NCAPG2: variants seen among roughly 807,000 people sequenced by gnomAD.
NCAPG2 encodes the protein condensin-2 complex subunit G2.
In NCAPG2, 53 loss-of-function variants were observed where a neutral mutation model predicts 141.1. The observed-to-expected ratio is 0.38, with a 90% CI of 0.30 to 0.47. The LOEUF (loss-of-function observed/expected upper bound fraction) is 0.47, where lower values mean the gene tolerates loss of function less well. NCAPG2 is among the 20% of genes least tolerant of loss of function. NCAPG2 has a pLI of 0.99. For synonymous variants in NCAPG2, 499 were observed against 490.7 expected, an observed-to-expected ratio of 1.02 and a Z score of -0.22; for missense variants, 1,087 against 1,389.0, an observed-to-expected ratio of 0.78 and a Z score of 3.46.
At chr7:158,667,185 G>C in intron 13 of NCAPG2, 1 of 985,444 alleles carries the variant, frequency 1.0e-6, no homozygotes, top group South Asian at 4.7e-5. Context: ...CACTTGCAAA[G>C]ATAAGGACTG....
At chr7:158,674,734 GTCACC>G (rs1210051347) in intron 12 of NCAPG2, among the ~76,000 whole-genome samples, 1 of 152,268 alleles carries the variant, frequency 6.6e-6, no homozygotes, top group African/African-American at 2.4e-5. Flanking sequence ...AGAAGAGGAA[GTCACC>G]TGCTTTGTGC....
At chr7:158,670,643 A>G (rs1056367387) in intron 13 of NCAPG2, among the ~76,000 whole-genome samples, 3 of 152,150 alleles carry the variant, frequency 2.0e-5, no homozygotes, top group South Asian at 2.1e-4. Context: ...TTACTTATAT[A>G]TATGTCTCCA....
intron 13 of NCAPG2, among the ~76,000 whole-genome samples, chr7:158,669,765 T>G (rs1833551926): frequency 5.0e-5 from 2 of 40,128 alleles, no homozygotes; most frequent in African/African-American, 1.3e-4. Flanking sequence ...CGAGACTCTG[T>G]CTCAAAAAAA....
intron 8 of NCAPG2, among the ~76,000 whole-genome samples, chr7:158,684,379 C>T (rs779470677): frequency 3.3e-5 from 5 of 152,258 alleles, no homozygotes; most frequent in East Asian, 1.9e-4. Context: ...CTAGAATAAG[C>T]GATTTTAATG....
chr7:158,650,610 G>C (rs539439308), intron 24 of NCAPG2, among the ~76,000 whole-genome samples: 1 of 152,278 alleles, frequency 6.6e-6, no homozygotes, highest in East Asian at 1.9e-4. Flanking sequence ...TTTTAATCAA[G>C]AGTGATAATA....
Position 158,704,030 on chromosome 7 carries a change from G to A in NCAPG2, c.-40+694C>T, listed in dbSNP as rs571209969. 3.6e-4 allele frequency among the ~76,000 whole-genome samples: 54 copies of A among 151,648 alleles called. 1 individual carries two copies. The East Asian group carries it at 7.8e-3, about 22-fold the overall frequency. On this transcript the variant is annotated intron_variant, in intron 1 of 27. Coordinates refer to ENST00000356309, the MANE Select transcript of NCAPG2 (RefSeq NM_017760.7). ...TCTCTGAGGGCAGTGCCCATGCCCAGGACTGAGGGGACGCTCTCTGAGGGC... is the reference window on the plus strand; with the variant it reads ...TCTCTGAGGGCAGTGCCCATGCCCAAGACTGAGGGGACGCTCTCTGAGGGC...
chr7:158,656,347 C>A lies in NCAPG2; in HGVS notation c.2301G>T (p.Leu767=). The A allele has an allele frequency of 6.2e-7, 1 of 1,614,166 alleles. No individual in the cohort carries two copies. The highest frequency in any genetic ancestry group is 1.1e-5 in the South Asian group (1 of 91,078). ...PELALVYIEY[L]LTHPKNRECL... ...ACTCGCGGTTCTTTGGATGAGTCAG[C>A]AGATACTCAATGTAGACCAATGCCA... Residue 767 remains leucine, a synonymous_variant, in exon 19 of 28, where the codon CTG becomes CTT. Coordinates refer to ENST00000356309, the MANE Select transcript of NCAPG2 (RefSeq NM_017760.7).
chr7:158,648,159 T>C (rs532647930), intron 24 of NCAPG2, among the ~76,000 whole-genome samples: 6 of 152,260 alleles, frequency 3.9e-5, no homozygotes, highest in South Asian at 2.1e-4. Context: ...CAAAAGACTA[T>C]TGACAGATTA....
rs982245940 is a variant in NCAPG2 at position 158,631,562 on chromosome 7, C to A, written c.*104G>T. 8.2e-6 allele frequency: 9 copies of A among 1,098,178 alleles called. No individual in the cohort carries two copies. Among genetic ancestry groups the A allele is most frequent in the Non-Finnish European group, 1.2e-5 (9 of 731,810 alleles). 68.0% of individuals were successfully genotyped at this position (1,098,178 alleles called of 1,614,324 possible). A position where few individuals can be genotyped will look rare whatever the true frequency, so the allele number is the denominator to read the frequency against. On this transcript the variant is annotated 3_prime_UTR_variant, in exon 28 of 28. Transcript: ENST00000356309. ...TCCCACAAAAAAATCCCACCCTTTC[C>A]CTATTATATGGGTTATTAACATTAA...
intron 23 of NCAPG2, among the ~76,000 whole-genome samples, chr7:158,651,612 T>C (rs1411496430): frequency 6.6e-6 from 1 of 152,236 alleles, no homozygotes; most frequent in Non-Finnish European, 1.5e-5. Context: ...TGGCTCTCTC[T>C]GATAACAACA....
In NCAPG2 at chr7:158,664,522, C is replaced by T; in HGVS notation, c.1702+6G>A. The T allele has an allele frequency of 6.2e-7, 1 of 1,613,256 alleles. No individual in the cohort carries two copies. Among genetic ancestry groups the T allele is most frequent in the African/African-American group, 1.3e-5 (1 of 75,012 alleles). On this transcript the variant is annotated splice_donor_region_variant and intron_variant, in intron 14 of 27. Coordinates refer to ENST00000356309, the MANE Select transcript of NCAPG2 (RefSeq NM_017760.7). ...ACAAGAACTGAGAAATAACAGCACT[C>T]CCTACCTATGTTGGTGCAGGCGGTG...
chr7:158,663,596 G>C (rs1419461088), intron 15 of NCAPG2, among the ~76,000 whole-genome samples: 1 of 152,188 alleles, frequency 6.6e-6, no homozygotes, highest in Non-Finnish European at 1.5e-5. Flanking sequence ...GCTGTTAGGG[G>C]AGCACACCAA....
In NCAPG2 at chr7:158,702,556, T is replaced by C. The variant is rs575751401; in HGVS notation, c.-39-618A>G. Among the ~76,000 whole-genome samples, 3 of 152,212 alleles carry C rather than the reference T, an allele frequency of 2.0e-5. No homozygotes were observed. In the South Asian group the frequency reaches 6.2e-4, roughly 32 times the overall value. On this transcript the variant is annotated intron_variant, in intron 1 of 27. Coordinates refer to ENST00000356309, the MANE Select transcript of NCAPG2 (RefSeq NM_017760.7). ...GCCTGTGTTTTTCCAGGAAATTCTA[T>C]TTCGCATTCACAATACCTGGTGCTA...
intron 16 of NCAPG2, among the ~76,000 whole-genome samples, chr7:158,659,575 AATT>A (rs1173932802): frequency 6.6e-6 from 1 of 152,054 alleles, no homozygotes; most frequent in Non-Finnish European, 1.5e-5. Flanking sequence ...ATTGCAGCTA[AATT>A]ATTATTACTA....
chr7:158,693,908 G>A (rs1386154894), intron 2 of NCAPG2, among the ~76,000 whole-genome samples: 4 of 152,126 alleles, frequency 2.6e-5, no homozygotes, highest in South Asian at 2.1e-4. Context: ...CAGCCAACAA[G>A]ATGATTTCAG....
At chr7:158,641,779 A>C (rs1045849291) in intron 27 of NCAPG2, among the ~76,000 whole-genome samples, 8 of 152,246 alleles carry the variant, frequency 5.3e-5, no homozygotes, top group African/African-American at 1.9e-4. Context: ...AACTGACAGA[A>C]CTGCAAAAAG....
intron 27 of NCAPG2, among the ~76,000 whole-genome samples, chr7:158,632,392 C>T (rs1587023392): frequency 1.3e-5 from 2 of 152,174 alleles, no homozygotes; most frequent in Admixed American, 6.6e-5. Flanking sequence ...TTACAAAGTG[C>T]GTGGCTCACC....
intron 8 of NCAPG2, 95 bp downstream of exon 8, chr7:158,686,077 A>G: frequency 1.4e-6 from 1 of 726,736 alleles, no homozygotes; most frequent in Non-Finnish European, 2.2e-6. Flanking sequence ...GACAGAGTGC[A>G]TAAACATGGA....
At chr7:158,667,393 G>T (rs1264980007) in intron 13 of NCAPG2, among the ~76,000 whole-genome samples, 3 of 53,012 alleles carry the variant, frequency 5.7e-5, no homozygotes, top group Admixed American at 1.8e-4. Flanking sequence ...CCCACTACTG[G>T]GTCCCTCCGC....
Sources: allele counts gnomAD v4.1 joint callset (sites outside exome capture counted in the v4.1 genomes callset), GRCh38; gene constraint gnomAD v4.1.1; transcripts MANE v1.5; gene names NCBI Gene and HGNC (gene_info 2026-07-23, HGNC 2026-07-21).